The following GPM6A variants were observed in gnomAD, a reference collection of about 807,000 sequenced individuals.
GPM6A encodes the protein glycoprotein M6A.
Under a neutral mutation model 32.1 loss-of-function variants are expected in GPM6A, and 7 were observed. The observed-to-expected ratio is 0.22, with a 90% confidence interval of 0.12 to 0.41. The LOEUF is 0.41. Among genes scored for constraint, GPM6A ranks in the 10% least tolerant of loss-of-function variants. GPM6A has a pLI of 1.00. For synonymous variants in GPM6A, 130 were observed against 123.4 expected, an observed-to-expected ratio of 1.05 and a Z score of -0.35; for missense variants, 235 against 347.2, an observed-to-expected ratio of 0.68 and a Z score of 2.57.
intron 1 of GPM6A, among the ~76,000 whole-genome samples, chr4:175,777,564 C>T (rs970240139): frequency 8.6e-5 from 13 of 151,792 alleles, no homozygotes; most frequent in African/African-American, 2.9e-4. Flanking sequence ...TACAAGAGTC[C>T]ACAAATGAAT....
At chr4:175,901,157 G>C (rs1191518800) in intron 1 of GPM6A, among the ~76,000 whole-genome samples, 1 of 149,878 alleles carries the variant, frequency 6.7e-6, no homozygotes, top group Non-Finnish European at 1.5e-5. Context: ...GCGAAGTTGG[G>C]GGCAGCAGAG....
At chr4:175,938,481 A>G (rs6851866) in intron 1 of GPM6A, among the ~76,000 whole-genome samples, 8,358 of 151,980 alleles carry the variant, frequency 0.055, 705 homozygotes, top group African/African-American at 0.19. Context: ...TGTGGTTTTG[A>G]TTTGCATTTC....
At chr4:175,697,863 A>G (rs1289060034) in intron 2 of GPM6A, among the ~76,000 whole-genome samples, 1 of 152,214 alleles carries the variant, frequency 6.6e-6, no homozygotes, top group Non-Finnish European at 1.5e-5. Context: ...AGGGGCTGAT[A>G]GTATTTAGAA....
chr4:175,712,674 T>A (rs1225381894), intron 1 of GPM6A, among the ~76,000 whole-genome samples: 2 of 152,190 alleles, frequency 1.3e-5, no homozygotes, highest in East Asian at 3.9e-4. Context: ...AATCAAGACC[T>A]GACTGTAATA....
chr4:175,722,476 C>T lies in GPM6A; in HGVS notation c.38-20709G>A, dbSNP rs567626649. On this transcript the variant is annotated intron_variant, in intron 1 of 6. Coordinates refer to ENST00000393658, the MANE Select transcript of GPM6A (RefSeq NM_201591.3). ...CAATCTTAAGCTCCCGCAGTAAGATCCATAAATACCCCTAAGGAAAATCCA... is the reference window on the plus strand; with the variant it reads ...CAATCTTAAGCTCCCGCAGTAAGATTCATAAATACCCCTAAGGAAAATCCA... 2.1e-4 allele frequency among the ~76,000 whole-genome samples: 32 copies of T among 152,286 alleles called. No individual in the cohort carries two copies. The East Asian group carries it at 3.7e-3, about 18-fold the overall frequency.
chr4:175,854,082 G>C (rs1431032508), intron 1 of GPM6A, among the ~76,000 whole-genome samples: 3 of 152,146 alleles, frequency 2.0e-5, no homozygotes, highest in African/African-American at 2.4e-5. Flanking sequence ...ATTTTTGAAA[G>C]TTCTGAGGAT....
At chr4:175,969,832 A>T (rs921967331) in intron 1 of GPM6A, among the ~76,000 whole-genome samples, 2 of 152,220 alleles carry the variant, frequency 1.3e-5, no homozygotes, top group African/African-American at 4.8e-5. Flanking sequence ...TGCAGGGTAA[A>T]TAGAACTCTA....
chr4:175,877,890 T>A (rs923634578), intron 1 of GPM6A, among the ~76,000 whole-genome samples: 1 of 152,166 alleles, frequency 6.6e-6, no homozygotes, highest in Non-Finnish European at 1.5e-5. Flanking sequence ...CCTATGAGCC[T>A]GTAAAATCAA....
chr4:175,836,265 C>T (rs566878114), intron 1 of GPM6A, among the ~76,000 whole-genome samples: 4 of 152,212 alleles, frequency 2.6e-5, no homozygotes, highest in South Asian at 2.1e-4. Context: ...TCTTCTGTCT[C>T]GGTTCCATTT....
intron 1 of GPM6A, among the ~76,000 whole-genome samples, chr4:175,757,151 G>A (rs1001232665): frequency 6.6e-6 from 1 of 152,038 alleles, no homozygotes; most frequent in African/African-American, 2.4e-5. Flanking sequence ...CTGAGGCCAG[G>A]TTATACAGGG....
intron 1 of GPM6A, among the ~76,000 whole-genome samples, chr4:175,935,579 A>G (rs890644470): frequency 1.3e-5 from 2 of 152,202 alleles, no homozygotes; most frequent in Non-Finnish European, 2.9e-5. Context: ...CATTTTCAAT[A>G]CCAACATACT....
intron 3 of GPM6A, among the ~76,000 whole-genome samples, chr4:175,663,036 A>G (rs1223212975): frequency 6.6e-6 from 1 of 152,192 alleles, no homozygotes; most frequent in African/African-American, 2.4e-5. Flanking sequence ...TCCAGCCTTT[A>G]CTTTTAATCA....
chr4:175,713,008 C>T (rs1745640499), intron 1 of GPM6A, among the ~76,000 whole-genome samples: 1 of 152,102 alleles, frequency 6.6e-6, no homozygotes. Flanking sequence ...TGACCGTGGG[C>T]TTGGAGTTCA....
chr4:175,796,785 C>T (rs1734249443), intron 1 of GPM6A, among the ~76,000 whole-genome samples: 1 of 152,142 alleles, frequency 6.6e-6, no homozygotes, highest in Admixed American at 6.6e-5. Flanking sequence ...AGTTCAAAAA[C>T]AAAGAAGCAA....
At chr4:175,748,118 G>T (rs1732180756) in intron 1 of GPM6A, among the ~76,000 whole-genome samples, 1 of 151,990 alleles carries the variant, frequency 6.6e-6, no homozygotes, top group African/African-American at 2.4e-5. Flanking sequence ...CTCTATATCT[G>T]CAGTTACTTC....
chr4:175,800,812 A>C (rs985587788), intron 1 of GPM6A: 1 of 197,446 alleles, frequency 5.1e-6, no homozygotes, highest in Admixed American at 4.6e-5. Context: ...AGGATCTAAA[A>C]GAGAACCCCC....
At chr4:175,983,692 C>T (rs1221186583) in intron 1 of GPM6A, among the ~76,000 whole-genome samples, 3 of 152,090 alleles carry the variant, frequency 2.0e-5, no homozygotes, top group Non-Finnish European at 2.9e-5. Context: ...CTTAAAATTT[C>T]CTTGAGGAAG....
intron 1 of GPM6A, among the ~76,000 whole-genome samples, chr4:175,980,198 A>G (rs534991579): frequency 3.9e-5 from 6 of 152,328 alleles, no homozygotes; most frequent in Non-Finnish European, 5.9e-5. Context: ...TACAAAAACT[A>G]CAGAAAGAAA....
chr4:175,851,217 T>C (rs1001016727), intron 1 of GPM6A, among the ~76,000 whole-genome samples: 5 of 150,862 alleles, frequency 3.3e-5, no homozygotes, highest in East Asian at 1.9e-4. Flanking sequence ...ATTAGCTGGG[T>C]GTGGTGGCGG....
Sources: gnomAD v4.1 joint callset for allele counts (sites outside exome capture counted in the v4.1 genomes callset) on GRCh38, gnomAD v4.1.1 for gene constraint, MANE v1.5 for transcripts, NCBI Gene and HGNC (gene_info 2026-07-23, HGNC 2026-07-21) for gene names.